The following PRIMA1 variants were observed in gnomAD, a reference collection of about 807,000 sequenced individuals.
The protein encoded by PRIMA1 is proline-rich membrane anchor 1.
In PRIMA1, 7 loss-of-function variants were observed where a neutral mutation model predicts 17.5. That is an observed-to-expected ratio of 0.40 (90% CI 0.23 to 0.75). The LOEUF (loss-of-function observed/expected upper bound fraction) is 0.75, where lower values mean the gene tolerates loss of function less well. Among genes scored for constraint, PRIMA1 ranks in the 30% least tolerant of loss-of-function variants. The probability of loss-of-function intolerance (pLI) is 0.37; values close to 1 mark genes in which losing one functional copy is unlikely to be tolerated. For synonymous variants in PRIMA1, 97 were observed against 77.9 expected (o/e 1.25, Z -1.29); for missense variants, 200 against 201.8 (o/e 0.99, Z 0.05).
At chr14:93,765,222 C>T (rs770908718) in intron 3 of PRIMA1, among the ~76,000 whole-genome samples, 1 of 151,972 alleles carries the variant, frequency 6.6e-6, no homozygotes, top group African/African-American at 2.4e-5. Context: ...TGTAAGCCCC[C>T]TCCCTACTTC....
At position 93,778,823 on chromosome 14, in the gene PRIMA1, T is replaced by C. The variant is rs141312081; in HGVS notation, c.229+353A>G. 3.0e-3 allele frequency among the ~76,000 whole-genome samples: 461 copies of C among 152,170 alleles called. 1 individual carries two copies. Among genetic ancestry groups the C allele is most frequent in the Non-Finnish European group, 4.7e-3 (320 of 67,992 alleles). On this transcript the variant is annotated intron_variant, in intron 3 of 4. Coordinates refer to ENST00000393140, the MANE Select transcript of PRIMA1 (RefSeq NM_178013.4). ...CTGCCTCCTTAAATGTAAATTATAA[T>C]AGAGAAATAGAACTGTGTGTTGGGG...
intron 4 of PRIMA1, among the ~76,000 whole-genome samples, chr14:93,734,106 C>G (rs2141158270): frequency 6.6e-6 from 1 of 152,348 alleles, no homozygotes; most frequent in South Asian, 2.1e-4. Flanking sequence ...GATACTCTCT[C>G]TGGACTATGA....
chr14:93,741,751 G>T (rs2076185723), intron 3 of PRIMA1, among the ~76,000 whole-genome samples: 1 of 152,148 alleles, frequency 6.6e-6, no homozygotes, highest in Non-Finnish European at 1.5e-5. Context: ...GTCAGACAGG[G>T]AGGCTGAGAC....
Position 93,764,434 on chromosome 14 carries a change from C to A in PRIMA1, c.229+14742G>T, listed in dbSNP as rs536155910. 1.3e-4 allele frequency among the ~76,000 whole-genome samples: 20 copies of A among 152,018 alleles called. No individual in the cohort carries two copies. In the South Asian group the frequency reaches 4.2e-3, roughly 32 times the overall value. On this transcript the variant is annotated intron_variant, in intron 3 of 4. Coordinates refer to ENST00000393140, the MANE Select transcript of PRIMA1 (RefSeq NM_178013.4). Reference sequence around the variant, plus strand: ...GCAATTCCTGCATGTTCTGCCCCCCCGCCCCCAAAGCTGTCCACAGGCATC... The same window carrying A: ...GCAATTCCTGCATGTTCTGCCCCCCAGCCCCCAAAGCTGTCCACAGGCATC...
chr14:93,736,185 G>A (rs777391262), intron 4 of PRIMA1, among the ~76,000 whole-genome samples: 3 of 152,286 alleles, frequency 2.0e-5, no homozygotes, highest in East Asian at 1.9e-4. Flanking sequence ...CACTGGAGTC[G>A]AACTCGTCAA....
chr14:93,731,048 T>C (rs1374536748), intron 4 of PRIMA1, among the ~76,000 whole-genome samples: 2 of 152,072 alleles, frequency 1.3e-5, no homozygotes, highest in East Asian at 3.9e-4. Context: ...AACTGATAAA[T>C]TTGACTGTGT....
rs985097180 is a variant in PRIMA1 at position 93,726,459 on chromosome 14, G to A, written c.360-4913C>T. 4.0e-5 allele frequency among the ~76,000 whole-genome samples: 6 copies of A among 151,890 alleles called. No homozygotes were observed. The highest frequency in any genetic ancestry group is 1.3e-4 in the Admixed American group (2 of 15,236). ...CCTCTTATGAAGGTATTCATCCCCCGACTGCCCACCCCGACACCCTCCCAC... is the reference window on the plus strand; with the variant it reads ...CCTCTTATGAAGGTATTCATCCCCCAACTGCCCACCCCGACACCCTCCCAC... On this transcript the variant is annotated intron_variant, in intron 4 of 4. Coordinates refer to ENST00000393140, the MANE Select transcript of PRIMA1 (RefSeq NM_178013.4). The surrounding 1 kb of genome is among the most constrained non-coding windows in gnomAD (Gnocchi z 4.2).
Position 93,761,116 on chromosome 14 carries a change from C to T in PRIMA1, c.229+18060G>A, listed in dbSNP as rs376054864. Among the ~76,000 whole-genome samples, 61 of 152,104 alleles carry T rather than the reference C, an allele frequency of 4.0e-4. No individual in the cohort carries two copies. In the East Asian group the frequency reaches 8.1e-3, roughly 20 times the overall value. On this transcript the variant is annotated intron_variant, in intron 3 of 4. Transcript: ENST00000393140. The stretch of plus-strand genomic sequence containing the variant: ...ATCCCAGAACTTTGGGAGGCCAAGG[C>T]GGGTGGATCACTTGAGGCTAGGAGC...
intron 3 of PRIMA1, among the ~76,000 whole-genome samples, chr14:93,774,073 C>A (rs1885140553): frequency 6.6e-6 from 1 of 151,572 alleles, no homozygotes; most frequent in Non-Finnish European, 1.5e-5. Flanking sequence ...GCCTGGGCGA[C>A]AAAGAGAGAC....
Position 93,787,704 on chromosome 14 carries a change from G to A in PRIMA1, c.15C>T (p.Asp5=). The change falls in exon 2 of 5, where the codon GAC becomes GAT. Residue 5 remains aspartate (D), a synonymous_variant. Coordinates refer to ENST00000393140, the MANE Select transcript of PRIMA1 (RefSeq NM_178013.4). ...AGCAGCAGCCACGGCGCAGCACCAA[G>A]TCCCGGAGGAGCATCTCGGCCAGCG... MLLR[D]LVLRRGCCWS... 1 of 1,544,234 alleles carries A rather than the reference G, an allele frequency of 6.5e-7. No individual in the cohort carries two copies. The highest frequency in any genetic ancestry group is 8.7e-7 in the Non-Finnish European group (1 of 1,146,648).
intron 4 of PRIMA1, among the ~76,000 whole-genome samples, chr14:93,728,086 C>T (rs1350666667): frequency 6.6e-6 from 1 of 152,186 alleles, no homozygotes; most frequent in African/African-American, 2.4e-5. Flanking sequence ...CCATCCCCCT[C>T]CCCCGGACTC....
chr14:93,771,151 T>C (rs1566976053), intron 3 of PRIMA1, among the ~76,000 whole-genome samples: 1 of 151,708 alleles, frequency 6.6e-6, no homozygotes, highest in East Asian at 1.9e-4. Context: ...TGTGTGTGTG[T>C]GCGCATGTAT....
chr14:93,726,543 T>C lies in PRIMA1; in HGVS notation c.360-4997A>G, dbSNP rs1348236074. ...ACAGGCACGTACACATAGACACATGTACACATGCACAAATCCACATACACA... is the reference window on the plus strand; with the variant it reads ...ACAGGCACGTACACATAGACACATGCACACATGCACAAATCCACATACACA... On this transcript the variant is annotated intron_variant, in intron 4 of 4. Transcript: ENST00000393140. The surrounding 1 kb of genome is among the most constrained non-coding windows in gnomAD (Gnocchi z 4.2). Among the ~76,000 whole-genome samples, 1 of 151,852 alleles carries C rather than the reference T, an allele frequency of 6.6e-6. No homozygotes were observed. The highest frequency in any genetic ancestry group is 2.4e-5 in the African/African-American group (1 of 41,280).
intron 2 of PRIMA1, among the ~76,000 whole-genome samples, chr14:93,782,964 C>A (rs1005172648): frequency 6.6e-6 from 1 of 152,196 alleles, no homozygotes; most frequent in Non-Finnish European, 1.5e-5. Flanking sequence ...CAGGGTTTCG[C>A]TATGTTGACC....
At chr14:93,747,394 G>A (rs1403942613) in intron 3 of PRIMA1, among the ~76,000 whole-genome samples, 1 of 152,204 alleles carries the variant, frequency 6.6e-6, no homozygotes, top group Non-Finnish European at 1.5e-5. Context: ...AGCCGGATTC[G>A]GGGAGTCAAA....
chr14:93,786,305 T>C (rs1885522099), intron 2 of PRIMA1, among the ~76,000 whole-genome samples: 2 of 152,176 alleles, frequency 1.3e-5, no homozygotes, highest in East Asian at 3.9e-4. Context: ...GACAAAGCTG[T>C]CAATTCCAAA....
rs55647508 is a variant in PRIMA1 at position 93,784,083 on chromosome 14, G to A, written c.93+3543C>T. ...TGGGCAGTACCTGCCTCTCATCTAG[G>A]ATTGCCAGATAAAATATAAGACACC... On this transcript the variant is annotated intron_variant, in intron 2 of 4. Coordinates refer to ENST00000393140, the MANE Select transcript of PRIMA1 (RefSeq NM_178013.4). 8.2e-3 allele frequency among the ~76,000 whole-genome samples: 1,253 copies of A among 152,122 alleles called. 12 individuals carry two copies. Among genetic ancestry groups the A allele is most frequent in the African/African-American group, 0.029 (1,195 of 41,486 alleles).
intron 4 of PRIMA1, among the ~76,000 whole-genome samples, chr14:93,733,089 T>C (rs974633604): frequency 2.5e-4 from 38 of 152,210 alleles, no homozygotes; most frequent in Non-Finnish European, 4.7e-4. Flanking sequence ...GGGCTCCCTA[T>C]GGCTGGGAAC....
intron 3 of PRIMA1, among the ~76,000 whole-genome samples, chr14:93,747,754 G>A (rs2076229675): frequency 6.6e-6 from 1 of 150,736 alleles, no homozygotes; most frequent in South Asian, 2.1e-4. Context: ...AGTGTGTGGA[G>A]TGCAAGTGTG....
Sources: gnomAD v4.1 joint callset for allele counts (sites outside exome capture counted in the v4.1 genomes callset) on GRCh38, gnomAD v4.1.1 for gene constraint, Gnocchi (gnomAD v3.1) non-coding constraint, MANE v1.5 for transcripts, NCBI Gene and HGNC (gene_info 2026-07-23, HGNC 2026-07-21) for gene names.